MAN2A1: variants seen among roughly 807,000 people sequenced by gnomAD.
MAN2A1 encodes the protein mannosidase alpha class 2A member 1.
In MAN2A1, 76 loss-of-function variants were observed where a neutral mutation model predicts 142.6. The ratio of observed to expected loss-of-function variants is 0.53; its 90% CI spans 0.44 to 0.65. The LOEUF (loss-of-function observed/expected upper bound fraction) is 0.65, where lower values mean the gene tolerates loss of function less well. Ranked by LOEUF, MAN2A1 falls within the 30% of genes least tolerant of loss-of-function variation. The probability of loss-of-function intolerance (pLI) is 0.00; values close to 1 mark genes in which losing one functional copy is unlikely to be tolerated. For missense variants in MAN2A1, 1,311 were observed against 1,365.1 expected (o/e 0.96, Z 0.62); for synonymous variants, 559 against 473.2 (o/e 1.18, Z -2.35).
At chr5:109,694,388 T>A (rs1274533756) in intron 1 of MAN2A1, among the ~76,000 whole-genome samples, 1 of 151,990 alleles carries the variant, frequency 6.6e-6, no homozygotes, top group African/African-American at 2.4e-5. Context: ...TCATCCAGGC[T>A]GGAGTGCAGT....
intron 1 of MAN2A1, among the ~76,000 whole-genome samples, chr5:109,700,759 C>T (rs1750957059): frequency 6.6e-6 from 1 of 152,142 alleles, no homozygotes; most frequent in Non-Finnish European, 1.5e-5. Context: ...AACTAGACCT[C>T]AGCAATTTGC....
chr5:109,767,109 G>C (rs954025782), intron 5 of MAN2A1, among the ~76,000 whole-genome samples: 2 of 152,174 alleles, frequency 1.3e-5, no homozygotes, highest in Admixed American at 1.3e-4. Flanking sequence ...GTTGGGAAAT[G>C]TAAGTTGAAA....
chr5:109,770,002 C>T (rs1753098848), intron 6 of MAN2A1, among the ~76,000 whole-genome samples: 2 of 152,286 alleles, frequency 1.3e-5, no homozygotes, highest in Middle Eastern at 3.4e-3. Flanking sequence ...GGAACAGTTA[C>T]GGCAGGAACT....
At chr5:109,823,959 T>G (rs1296805083) in intron 16 of MAN2A1, 122 bp downstream of exon 16, 2 of 512,990 alleles carry the variant, frequency 3.9e-6, no homozygotes, top group Non-Finnish European at 6.8e-6. Context: ...AAACTTGACA[T>G]TTTTAATATG....
At chr5:109,846,240 G>C (rs1286296812) in intron 18 of MAN2A1, among the ~76,000 whole-genome samples, 2 of 152,144 alleles carry the variant, frequency 1.3e-5, no homozygotes, top group African/African-American at 4.8e-5. Flanking sequence ...TCCATGTCAA[G>C]ATTTCTTTTT....
chr5:109,716,716 A>G (rs1226074542), intron 3 of MAN2A1, among the ~76,000 whole-genome samples: 3 of 152,212 alleles, frequency 2.0e-5, no homozygotes, highest in South Asian at 2.1e-4. Flanking sequence ...TCAGGCACAT[A>G]CGAATGTGAG....
chr5:109,861,517 T>C (rs1755759398), intron 20 of MAN2A1, among the ~76,000 whole-genome samples: 1 of 152,180 alleles, frequency 6.6e-6, no homozygotes. Flanking sequence ...AAATAACATA[T>C]CTAAAATTGT....
At position 109,819,672 on chromosome 5, in the gene MAN2A1, T is replaced by A; in HGVS notation, c.2113T>A (p.Ser705Thr). 1 of 1,554,740 alleles carries A rather than the reference T, an allele frequency of 6.4e-7. No homozygotes were observed. The highest frequency in any genetic ancestry group is 8.7e-7 in the Non-Finnish European group (1 of 1,151,650). The change falls in exon 14 of 22, where the codon TCT becomes ACT. Residue 705 changes from serine (S) to threonine (T), a missense_variant. Around this residue, in one of 3 missense-constraint regions of MAN2A1, gnomAD observed 890 missense variants for 920.5 expected, o/e 0.97. Transcript: ENST00000261483. ...TTCCCTTCCCTATCTTTTAAAGATC[T>A]CTTTTCGAGCACATATACCGCCATT... ...NTISETAYEI[S>T]FRAHIPPLGL...
At chr5:109,760,120 A>C (rs569816040) in intron 5 of MAN2A1, among the ~76,000 whole-genome samples, 1 of 151,962 alleles carries the variant, frequency 6.6e-6, no homozygotes, top group African/African-American at 2.4e-5. Context: ...TATTTCTCCT[A>C]ATGCTATCCC....
chr5:109,751,919 T>A (rs931526206), intron 4 of MAN2A1, among the ~76,000 whole-genome samples: 2 of 152,166 alleles, frequency 1.3e-5, no homozygotes, highest in Admixed American at 6.5e-5. Context: ...AAACTTAACT[T>A]TTTAATTGGC....
Position 109,817,172 on chromosome 5 carries a change from A to ATATATGTATATGTATATG in MAN2A1, c.1944-89_1944-72dup, listed in dbSNP as rs10524185. 1,208 of 1,029,102 alleles carry ATATATGTATATGTATATG rather than the reference A, an allele frequency of 1.2e-3. 5 individuals carry two copies. The highest frequency in any genetic ancestry group is 4.3e-3 in the Middle Eastern group (14 of 3,230). The allele number at this position is 1,029,102 out of a possible 1,614,324, so 63.7% of individuals were successfully genotyped here. On this transcript the variant is annotated intron_variant, in intron 12 of 21. Transcript: ENST00000261483. Reference sequence around the variant, plus strand: ...CAGAGTGAGACGCTATCTCAAAAATATATATGTATATGTATATGTATATGT... The same window carrying ATATATGTATATGTATATG: ...CAGAGTGAGACGCTATCTCAAAAATATATATGTATATGTATATGTATATGTATATGTATATGTATATGT...
At chr5:109,856,985 G>A (rs907367889) in intron 20 of MAN2A1, among the ~76,000 whole-genome samples, 2 of 152,186 alleles carry the variant, frequency 1.3e-5, no homozygotes, top group African/African-American at 4.8e-5. Flanking sequence ...TTATGAAGGA[G>A]TAAAAAGGGA....
chr5:109,746,458 A>T, intron 4 of MAN2A1, among the ~76,000 whole-genome samples: 1 of 152,118 alleles, frequency 6.6e-6, no homozygotes, highest in East Asian at 1.9e-4. Flanking sequence ...GGAGGTAACT[A>T]CTATGACCAG....
rs560290039 is a variant in MAN2A1, at chr5:109,734,665, A to T, written c.707+5152A>T. Among the ~76,000 whole-genome samples the T allele has an allele frequency of 1.8e-3, 267 of 152,260 alleles. 1 individual carries two copies. The highest frequency in any genetic ancestry group is 0.014 in the Middle Eastern group (4 of 294). ...TTCAGGAACAGGTTGTTCAGTTTCCATGTAGTTGAGTGGTTTTGAGTGAGT... is the reference window on the plus strand; with the variant it reads ...TTCAGGAACAGGTTGTTCAGTTTCCTTGTAGTTGAGTGGTTTTGAGTGAGT... On this transcript the variant is annotated intron_variant, in intron 4 of 21. Transcript: ENST00000261483.
rs149932840 is a variant in MAN2A1, at chr5:109,743,947, C to G, written c.708-11382C>G. Among the ~76,000 whole-genome samples, 64 of 152,290 alleles carry G rather than the reference C, an allele frequency of 4.2e-4. No homozygotes were observed. In the East Asian group the frequency reaches 0.011, roughly 26 times the overall value. ...CAGTCACTTCCTGCTTCACACTCTA[C>G]TCAGGCATTCTGAGCCACGGGTGTC... On this transcript the variant is annotated intron_variant, in intron 4 of 21. Transcript: ENST00000261483.
At chr5:109,717,780 A>G (rs540118937) in intron 3 of MAN2A1, among the ~76,000 whole-genome samples, 5 of 152,208 alleles carry the variant, frequency 3.3e-5, no homozygotes, top group African/African-American at 1.2e-4. Flanking sequence ...TGGAGATCAT[A>G]CAGGTGGAGT....
intron 12 of MAN2A1, among the ~76,000 whole-genome samples, chr5:109,795,366 G>T (rs535992888): frequency 1.3e-5 from 2 of 152,144 alleles, no homozygotes; most frequent in East Asian, 3.9e-4. Context: ...ACCTCACATT[G>T]ACTGAAATTA....
intron 4 of MAN2A1, among the ~76,000 whole-genome samples, chr5:109,736,446 A>G (rs1163749469): frequency 1.3e-5 from 2 of 152,182 alleles, no homozygotes; most frequent in Non-Finnish European, 2.9e-5. Flanking sequence ...GAACCCAAGA[A>G]TTGGAGGCTA....
intron 12 of MAN2A1, among the ~76,000 whole-genome samples, chr5:109,815,260 G>A (rs187825224): frequency 6.6e-6 from 1 of 152,270 alleles, no homozygotes; most frequent in East Asian, 1.9e-4. Flanking sequence ...GCTGTGGGAG[G>A]CTGCAAATAG....
Sources: allele counts gnomAD v4.1 joint callset (sites outside exome capture counted in the v4.1 genomes callset), GRCh38; gene constraint gnomAD v4.1.1; regional missense constraint gnomAD v4.1.1; transcripts MANE v1.5; gene names NCBI Gene and HGNC (gene_info 2026-07-23, HGNC 2026-07-21).